Variants in ZNF385D observed in about 807,000 individuals in gnomAD.
ZNF385D encodes zinc finger protein 385D.
In ZNF385D, 15 loss-of-function variants were observed where a neutral mutation model predicts 35.8. The observed-to-expected ratio is 0.42, with a 90% confidence interval of 0.28 to 0.64. The LOEUF (loss-of-function observed/expected upper bound fraction) is 0.64. Ranked by LOEUF, ZNF385D falls within the 30% of genes least tolerant of loss-of-function variation. The pLI is 0.23. For missense variants in ZNF385D, 474 were observed against 494.6 expected (o/e 0.96, Z 0.39); for synonymous variants, 212 against 186.8 (o/e 1.13, Z -1.10).
chr3:21,887,563 G>A (rs1324104983), intron 3 of ZNF385D, among the ~76,000 whole-genome samples: 2 of 151,990 alleles, frequency 1.3e-5, no homozygotes, highest in Non-Finnish European at 2.9e-5. Context: ...GGAGGCAAAT[G>A]GTAACAACAT....
Position 22,143,545 on chromosome 3 carries a change from C to G in ZNF385D, c.325+25272G>C, listed in dbSNP as rs141707267. On this transcript the variant is annotated intron_variant, in intron 3 of 5. Coordinates refer to the ZNF385D transcript ENST00000494108. ...CTATTTCTATTGATTCATACACACA[C>G]TTGCAGATAATTGTTCTCTTTGGCA... Among the ~76,000 whole-genome samples the G allele has an allele frequency of 6.6e-5, 10 of 152,286 alleles. No individual in the cohort carries two copies. The Middle Eastern group carries it at 0.01, about 155-fold the overall frequency.
intron 1 of ZNF385D, among the ~76,000 whole-genome samples, chr3:21,732,115 C>T (rs544340110): frequency 1.3e-4 from 17 of 133,742 alleles, no homozygotes; most frequent in Admixed American, 8.0e-5. Flanking sequence ...AGTGCAGTGG[C>T]GCGAGCTCAC....
intron 3 of ZNF385D, among the ~76,000 whole-genome samples, chr3:21,792,485 G>C (rs1038105892): frequency 5.3e-5 from 8 of 152,180 alleles, no homozygotes; most frequent in Non-Finnish European, 1.2e-4. Context: ...TGGCACAGTT[G>C]AGTATTCCGC....
chr3:21,846,356 T>C (rs903819278), intron 3 of ZNF385D, among the ~76,000 whole-genome samples: 1 of 152,056 alleles, frequency 6.6e-6, no homozygotes, highest in Non-Finnish European at 1.5e-5. Flanking sequence ...AAAAGTTCCT[T>C]AAGTTTGGGG....
intron 3 of ZNF385D, among the ~76,000 whole-genome samples, chr3:21,822,525 A>G (rs9829412): frequency 0.15 from 22,246 of 152,190 alleles, 2,256 homozygotes; most frequent in African/African-American, 0.29. Flanking sequence ...ATTTGTCATT[A>G]CCTAGAAAAT....
intron 5 of ZNF385D, among the ~76,000 whole-genome samples, chr3:21,435,319 G>A (rs147630941): frequency 4.8e-4 from 70 of 145,616 alleles, no homozygotes; most frequent in African/African-American, 1.7e-3. Flanking sequence ...GTGCAGTGGC[G>A]CGATCATGGC....
rs183598359 is a variant in ZNF385D, at chr3:22,152,920, C to T, written c.325+15897G>A. Among the ~76,000 whole-genome samples the T allele has an allele frequency of 2.5e-3, 384 of 152,270 alleles. 2 individuals carry two copies. The highest frequency in any genetic ancestry group is 4.5e-3 in the Non-Finnish European group (303 of 68,004). On this transcript the variant is annotated intron_variant, in intron 3 of 5. Transcript: ENST00000494108. ...CTTACAACCAGGGACGTGGTGAAAT[C>T]TTGCACTGGTTTTCAACAACCAATT...
intron 1 of ZNF385D, among the ~76,000 whole-genome samples, chr3:21,747,085 G>C (rs979758986): frequency 6.6e-6 from 1 of 150,776 alleles, no homozygotes; most frequent in African/African-American, 2.4e-5. Context: ...TCCTCAGTGA[G>C]GTTTTTGTTT....
At chr3:22,136,862 T>G (rs1704156688) in intron 3 of ZNF385D, among the ~76,000 whole-genome samples, 1 of 152,152 alleles carries the variant, frequency 6.6e-6, no homozygotes, top group South Asian at 2.1e-4. Context: ...GAATTCCAAC[T>G]ATGTGACATT....
At chr3:21,612,993 C>CTTTTTTTTT (rs11336822) in intron 2 of ZNF385D, among the ~76,000 whole-genome samples, 1 of 137,258 alleles carries the variant, frequency 7.3e-6, no homozygotes. Context: ...TTTCTTTTTT[C>CTTTTTTTTT]TTTTTTTTTT....
intron 3 of ZNF385D, among the ~76,000 whole-genome samples, chr3:21,798,383 G>A (rs1387732371): frequency 6.6e-6 from 1 of 152,136 alleles, no homozygotes; most frequent in African/African-American, 2.4e-5. Context: ...CTGTACGACT[G>A]AAGTCTTTGT....
chr3:22,105,552 G>A (rs981291527), intron 3 of ZNF385D, among the ~76,000 whole-genome samples: 3 of 152,126 alleles, frequency 2.0e-5, no homozygotes, highest in African/African-American at 7.2e-5. Flanking sequence ...AAAGCAGGTG[G>A]TGTAGTTTGA....
chr3:22,215,148 T>C (rs1197573564), intron 2 of ZNF385D, among the ~76,000 whole-genome samples: 1 of 151,834 alleles, frequency 6.6e-6, no homozygotes, highest in East Asian at 1.9e-4. Context: ...TCTAGCTGAA[T>C]TTTCCCCAAT....
intron 3 of ZNF385D, among the ~76,000 whole-genome samples, chr3:21,758,987 A>AC (rs1377467070): frequency 1.4e-5 from 2 of 144,874 alleles, no homozygotes; most frequent in African/African-American, 5.3e-5. Flanking sequence ...AAAAAAAAAA[A>AC]AAAAAAAAAA....
At chr3:21,831,327 G>A (rs2670248) in intron 3 of ZNF385D, among the ~76,000 whole-genome samples, 135,367 of 151,788 alleles carry the variant, frequency 0.89, 60,613 homozygotes, top group African/African-American at 0.96. Context: ...TATGGTGGAA[G>A]AGAAAATATA....
At chr3:21,630,718 G>A (rs1325881974) in intron 2 of ZNF385D, among the ~76,000 whole-genome samples, 2 of 152,080 alleles carry the variant, frequency 1.3e-5, no homozygotes, top group Non-Finnish European at 2.9e-5. Flanking sequence ...TTTCTCATCA[G>A]AAATGTGGAA....
intron 3 of ZNF385D, among the ~76,000 whole-genome samples, chr3:22,024,397 C>T (rs1432984484): frequency 6.6e-6 from 1 of 151,872 alleles, no homozygotes; most frequent in African/African-American, 2.4e-5. Flanking sequence ...AGATTTTGGT[C>T]CCAGGAGTGG....
At chr3:21,937,634 C>A (rs931336139) in intron 3 of ZNF385D, among the ~76,000 whole-genome samples, 7 of 151,742 alleles carry the variant, frequency 4.6e-5, no homozygotes, top group Non-Finnish European at 8.8e-5. Context: ...TTTTAAAAAC[C>A]TGTACATTAT....
chr3:22,139,774 A>G lies in ZNF385D; in HGVS notation c.325+29043T>C, dbSNP rs569502304. On this transcript the variant is annotated intron_variant, in intron 3 of 5. Transcript: ENST00000494108. ...AAAACTTAAAGTATAATAAAACAAA[A>G]AAAAGAATAGTTCATTAAGTAGAGA... 7.7e-4 allele frequency among the ~76,000 whole-genome samples: 117 copies of G among 152,268 alleles called. No homozygotes were observed. The Middle Eastern group carries it at 0.01, about 13-fold the overall frequency.
Sources: allele counts gnomAD v4.1 joint callset (sites outside exome capture counted in the v4.1 genomes callset), GRCh38; gene constraint gnomAD v4.1.1; transcripts MANE v1.5; gene names NCBI Gene and HGNC (gene_info 2026-07-23, HGNC 2026-07-21).